Variants in HMMR observed in about 807,000 individuals in gnomAD.
HMMR encodes hyaluronan mediated motility receptor, also known as intracellular hyaluronic acid-binding protein.
HMMR carries 108 observed loss-of-function variants against 101.0 expected under a neutral mutation model. The ratio of observed to expected loss-of-function variants is 1.07; its 90% CI spans 0.92 to 1.25. HMMR has a LOEUF of 1.25. HMMR is among the 50% of genes most tolerant of loss of function. The pLI, the probability that HMMR is intolerant of heterozygous loss-of-function variation, is 0.00. For synonymous variants in HMMR, 296 were observed against 276.4 expected (o/e 1.07, Z -0.70); for missense variants, 813 against 788.7 (o/e 1.03, Z -0.37).
chr5:163,474,506 G>C (rs770714910), intron 10 of HMMR: 15 of 469,392 alleles, frequency 3.2e-5, no homozygotes, highest in African/African-American at 5.9e-5. Context: ...CACTTACCTT[G>C]TAAAAGACTG....
rs2303076 is a variant in HMMR, at chr5:163,460,644, G to A, written c.-49G>A. ...GGTAGGGAGTGATAATCCGCATTCA[G>A]TTGTCGAGGAGTGCCAGTCACCTTC... is the stretch of plus-strand genomic sequence containing the variant. On this transcript the variant is annotated 5_prime_UTR_variant, in exon 1 of 18. Coordinates refer to ENST00000393915, the MANE Select transcript of HMMR (RefSeq NM_001142556.2). The A allele has an allele frequency of 0.23, 348,965 of 1,546,250 alleles. 42,783 individuals carry two copies. The highest frequency in any genetic ancestry group is 0.43 in the South Asian group (37,036 of 85,992).
intron 12 of HMMR, among the ~76,000 whole-genome samples, chr5:163,480,853 T>C (rs1333765705): frequency 1.3e-5 from 2 of 152,188 alleles, no homozygotes; most frequent in East Asian, 1.9e-4. Flanking sequence ...GCCATATGGG[T>C]TACAGGTATC....
At chr5:163,488,470 T>C (rs1480547921) in intron 16 of HMMR, among the ~76,000 whole-genome samples, 1 of 152,218 alleles carries the variant, frequency 6.6e-6, no homozygotes, top group Non-Finnish European at 1.5e-5. Context: ...CATTTCTGGG[T>C]ACAGCTCCCC....
chr5:163,490,348 T>G (rs776326785), intron 16 of HMMR, 42 bp from the exon 17 acceptor site: 2 of 1,318,388 alleles, frequency 1.5e-6, no homozygotes, highest in South Asian at 2.6e-5. Flanking sequence ...ACTGACATAC[T>G]CTTTAATAAT....
intron 10 of HMMR, among the ~76,000 whole-genome samples, chr5:163,475,106 A>T (rs982511962): frequency 7.9e-5 from 12 of 152,054 alleles, no homozygotes; most frequent in Non-Finnish European, 1.3e-4. Flanking sequence ...TTAAAAAATA[A>T]TTTTATGTAA....
intron 16 of HMMR, among the ~76,000 whole-genome samples, chr5:163,487,989 G>A (rs1759536615): frequency 1.3e-5 from 2 of 151,952 alleles, no homozygotes; most frequent in African/African-American, 4.8e-5. Flanking sequence ...CCAAGTAGCT[G>A]GGACTACAGG....
chr5:163,466,291 G>A (rs958280035), intron 3 of HMMR, among the ~76,000 whole-genome samples: 2 of 152,048 alleles, frequency 1.3e-5, no homozygotes, highest in African/African-American at 4.8e-5. Flanking sequence ...AAGTAAAAAA[G>A]TTGTACAAAT....
chr5:163,461,591 G>C (rs1234286137), intron 1 of HMMR, among the ~76,000 whole-genome samples: 1 of 151,988 alleles, frequency 6.6e-6, no homozygotes, highest in East Asian at 1.9e-4. Context: ...TCAGGAGATC[G>C]AGACCACCGT....
At chr5:163,462,174 G>GT (rs995911431) in intron 1 of HMMR, among the ~76,000 whole-genome samples, 2 of 152,040 alleles carry the variant, frequency 1.3e-5, no homozygotes, top group Non-Finnish European at 2.9e-5. Flanking sequence ...TGGCTTTAAG[G>GT]TTTTTTTGGT....
chr5:163,470,641 G>C (rs1461235719), intron 5 of HMMR, among the ~76,000 whole-genome samples: 1 of 152,054 alleles, frequency 6.6e-6, no homozygotes, highest in Admixed American at 6.6e-5. Flanking sequence ...GTGAGACTCT[G>C]TCTTACAAAA....
chr5:163,490,611 T>C, intron 17 of HMMR, 59 bp downstream of exon 17: 2 of 1,265,182 alleles, frequency 1.6e-6, no homozygotes, highest in East Asian at 4.7e-5. Context: ...TTTTATAGCA[T>C]TTAGCAAGTC....
intron 7 of HMMR, among the ~76,000 whole-genome samples, chr5:163,472,145 C>T (rs1758916499): frequency 6.6e-6 from 1 of 151,598 alleles, no homozygotes; most frequent in Non-Finnish European, 1.5e-5. Context: ...CTTCAGAGTG[C>T]TGGAGTTATA....
chr5:163,469,439 A>G (rs966766893), intron 4 of HMMR, among the ~76,000 whole-genome samples: 2 of 152,030 alleles, frequency 1.3e-5, no homozygotes, highest in Non-Finnish European at 2.9e-5. Context: ...TAAAGTTCTT[A>G]TGTTCTTAAA....
chr5:163,468,169 A>G (rs759443319), intron 4 of HMMR, among the ~76,000 whole-genome samples: 1 of 152,224 alleles, frequency 6.6e-6, no homozygotes, highest in African/African-American at 2.4e-5. Context: ...AACTCGATGC[A>G]TTGCTCTGCA....
chr5:163,460,800 C>A, intron 1 of HMMR, 62 bp downstream of exon 1: 1 of 1,486,940 alleles, frequency 6.7e-7, no homozygotes, highest in Non-Finnish European at 9.3e-7. Context: ...CCTCTTTCAG[C>A]TCCCTTCTTG....
chr5:163,482,959 AG>A, intron 13 of HMMR, 60 bp from the exon 14 acceptor site: 1 of 1,467,848 alleles, frequency 6.8e-7, no homozygotes, highest in Non-Finnish European at 9.2e-7. Flanking sequence ...AGAAAAAAAA[AG>A]GAAAAATTAA....
intron 2 of HMMR, among the ~76,000 whole-genome samples, chr5:163,464,248 A>G (rs1561635274): frequency 6.6e-6 from 1 of 152,172 alleles, no homozygotes; most frequent in Non-Finnish European, 1.5e-5. Flanking sequence ...TTAGATGTGT[A>G]AAAAAATTGT....
chr5:163,478,435 C>T (rs1360486574), intron 11 of HMMR, among the ~76,000 whole-genome samples: 6 of 152,066 alleles, frequency 3.9e-5, no homozygotes, highest in African/African-American at 1.4e-4. Flanking sequence ...TCTTTTATAT[C>T]CTACTACCTT....
intron 1 of HMMR, among the ~76,000 whole-genome samples, chr5:163,461,222 CA>C (rs886292872): frequency 2.0e-5 from 3 of 152,176 alleles, no homozygotes; most frequent in African/African-American, 4.8e-5. Context: ...AAAACATAAA[CA>C]ATGAAGTTAT....
Sources: gnomAD v4.1 joint callset for allele counts (sites outside exome capture counted in the v4.1 genomes callset) on GRCh38, gnomAD v4.1.1 for gene constraint, MANE v1.5 for transcripts, NCBI Gene and HGNC (gene_info 2026-07-23, HGNC 2026-07-21) for gene names.